ZNF280D: variants seen among roughly 807,000 people sequenced by gnomAD.
ZNF280D encodes suppressor of hairy wing homolog 4.
Under a neutral mutation model 94.7 loss-of-function variants are expected in ZNF280D, and 39 were observed. That is an observed-to-expected ratio of 0.41 (90% CI 0.32 to 0.54). ZNF280D has a LOEUF of 0.54. Ranked by LOEUF, ZNF280D falls within the 20% of genes least tolerant of loss-of-function variation. ZNF280D has a pLI of 0.22. For synonymous variants in ZNF280D, 398 were observed against 377.6 expected (o/e 1.05, Z -0.63); for missense variants, 1,090 against 1,149.3 (o/e 0.95, Z 0.75).
chr15:56,676,248 G>A (rs2055223834), intron 13 of ZNF280D, among the ~76,000 whole-genome samples: 1 of 152,088 alleles, frequency 6.6e-6, no homozygotes. Flanking sequence ...TTGAAATAAA[G>A]TTTGAAGAGC....
intron 1 of ZNF280D, among the ~76,000 whole-genome samples, chr15:56,712,785 G>C (rs1348423194): frequency 7.1e-6 from 1 of 139,882 alleles, no homozygotes; most frequent in Non-Finnish European, 1.5e-5. Context: ...CTGTTGCTCA[G>C]GCTGGAGAGC....
chr15:56,659,480 T>C (rs2053777974), intron 16 of ZNF280D, among the ~76,000 whole-genome samples: 1 of 152,260 alleles, frequency 6.6e-6, no homozygotes, highest in African/African-American at 2.4e-5. Context: ...TCATATAATT[T>C]TTATTACAGT....
chr15:56,635,932 A>G (rs1194428220), intron 20 of ZNF280D, among the ~76,000 whole-genome samples: 9 of 152,158 alleles, frequency 5.9e-5, no homozygotes, highest in African/African-American at 2.2e-4. Context: ...TTTTATAAAC[A>G]CTATTTCAAT....
intron 4 of ZNF280D, among the ~76,000 whole-genome samples, chr15:56,702,494 A>G (rs2057136992): frequency 6.6e-6 from 1 of 152,174 alleles, no homozygotes; most frequent in Admixed American, 6.5e-5. Flanking sequence ...TTCTTGATGG[A>G]ATTATTTTAA....
chr15:56,664,910 T>C (rs1275202343), intron 16 of ZNF280D, among the ~76,000 whole-genome samples: 3 of 151,988 alleles, frequency 2.0e-5, no homozygotes, highest in Non-Finnish European at 4.4e-5. Context: ...GAGAGTAAGG[T>C]TGACTACAAA....
chr15:56,716,954 T>C (rs191276266), intron 1 of ZNF280D, among the ~76,000 whole-genome samples: 10 of 152,258 alleles, frequency 6.6e-5, no homozygotes, highest in Non-Finnish European at 1.2e-4. Flanking sequence ...TCTATCCTCA[T>C]AAAGGATCTC....
At chr15:56,655,865 A>G (rs1278847267) in intron 17 of ZNF280D, among the ~76,000 whole-genome samples, 1 of 152,232 alleles carries the variant, frequency 6.6e-6, no homozygotes, top group African/African-American at 2.4e-5. Context: ...GTGCTATTTA[A>G]AAGAAAATCA....
chr15:56,731,506 C>CA (rs752976383), intron 1 of ZNF280D, among the ~76,000 whole-genome samples: 21,700 of 80,664 alleles, frequency 0.27, 3,537 homozygotes, highest in African/African-American at 0.43. Flanking sequence ...GTACCTATCT[C>CA]AAAAAAAAAA....
intron 19 of ZNF280D, chr15:56,653,600 C>A: frequency 1.4e-6 from 2 of 1,479,166 alleles, no homozygotes; most frequent in Admixed American, 2.4e-5. Context: ...GCTTCTGCAT[C>A]TGAAAAATAA....
At chr15:56,708,466 C>T (rs528913726) in intron 1 of ZNF280D, among the ~76,000 whole-genome samples, 1 of 152,160 alleles carries the variant, frequency 6.6e-6, no homozygotes, top group African/African-American at 2.4e-5. Context: ...ATACCAGGAA[C>T]ACGGAATATT....
chr15:56,688,875 A>C, intron 9 of ZNF280D, 166 bp downstream of exon 9: 1 of 429,690 alleles, frequency 2.3e-6, no homozygotes, highest in African/African-American at 2.0e-5. Context: ...TTGAGGATTT[A>C]GAAGGAATTT....
intron 21 of ZNF280D, among the ~76,000 whole-genome samples, chr15:56,634,480 A>C (rs1018718833): frequency 2.0e-5 from 3 of 152,178 alleles, no homozygotes; most frequent in Non-Finnish European, 4.4e-5. Context: ...GGGCGAGATA[A>C]CTTTACTATT....
At chr15:56,695,659 A>G (rs960362065) in intron 6 of ZNF280D, among the ~76,000 whole-genome samples, 1 of 151,442 alleles carries the variant, frequency 6.6e-6, no homozygotes, top group Non-Finnish European at 1.5e-5. Context: ...CCTCCCGAGT[A>G]GCCGGGACTA....
intron 18 of ZNF280D, 71 bp from the exon 19 acceptor site, chr15:56,654,305 T>A (rs2053394654): frequency 6.3e-7 from 1 of 1,598,412 alleles, no homozygotes; most frequent in Admixed American, 1.8e-5. Flanking sequence ...AATGATTTAG[T>A]AAAGAGACCA....
At chr15:56,692,946 A>C in intron 7 of ZNF280D, 152 bp downstream of exon 7, 1 of 462,464 alleles carries the variant, frequency 2.2e-6, no homozygotes, top group South Asian at 3.0e-5. Context: ...AAAATTACCC[A>C]CATAAGGTAT....
At chr15:56,706,483 AAACT>A (rs1289629286) in intron 3 of ZNF280D, among the ~76,000 whole-genome samples, 5 of 151,896 alleles carry the variant, frequency 3.3e-5, no homozygotes, top group South Asian at 4.2e-4. Flanking sequence ...GTCTCAAAAC[AAACT>A]AACAAACAAA....
Position 56,631,307 on chromosome 15 carries a change from C to T in ZNF280D, c.*191G>A, listed in dbSNP as rs75969011. 18,246 of 540,848 alleles carry T rather than the reference C, an allele frequency of 0.034. 875 individuals carry two copies. Among genetic ancestry groups the T allele is most frequent in the Admixed American group, 0.19 (5,271 of 28,488 alleles). The allele number at this position is 540,848 out of a possible 1,614,324, so 33.5% of individuals were successfully genotyped here. On this transcript the variant is annotated 3_prime_UTR_variant, in exon 22 of 22. Coordinates refer to ENST00000267807, the MANE Select transcript of ZNF280D (RefSeq NM_017661.4). ...GTGTTTTTAAAAACTTTTTGGGAAT[C>T]CCTACTAATCATGCTATTATTGGTG...
At chr15:56,686,371 T>A (rs1427944126) in intron 9 of ZNF280D, among the ~76,000 whole-genome samples, 1 of 152,194 alleles carries the variant, frequency 6.6e-6, no homozygotes, top group Non-Finnish European at 1.5e-5. Flanking sequence ...ACTCCTGACC[T>A]CAGGTGATCT....
chr15:56,692,935 GA>G (rs1345050878), intron 7 of ZNF280D, among the ~76,000 whole-genome samples, 162 bp downstream of exon 7: 2 of 152,058 alleles, frequency 1.3e-5, no homozygotes, highest in Non-Finnish European at 2.9e-5. Context: ...GGATTTTACA[GA>G]AAATTACCCA....
Sources: allele counts gnomAD v4.1 joint callset (sites outside exome capture counted in the v4.1 genomes callset), GRCh38; gene constraint gnomAD v4.1.1; transcripts MANE v1.5; gene names NCBI Gene and HGNC (gene_info 2026-07-23, HGNC 2026-07-21).